BMX: variants seen among roughly 807,000 people sequenced by gnomAD.
BMX encodes cytoplasmic tyrosine-protein kinase BMX.
BMX carries 31 observed loss-of-function variants against 59.2 expected under a neutral mutation model. That is an observed-to-expected ratio of 0.52 (90% CI 0.39 to 0.71). The LOEUF is 0.71. BMX is among the 30% of genes least tolerant of loss of function. The pLI, the probability that BMX is intolerant of heterozygous loss-of-function variation, is 0.00. For missense variants in BMX, 474 were observed against 491.7 expected (o/e 0.96, Z 0.34); for synonymous variants, 185 against 181.0 (o/e 1.02, Z -0.18).
At chrX:15,531,201 A>G in intron 10 of BMX, 127 bp from the exon 11 acceptor site, 1 of 530,575 alleles carries the variant, frequency 1.9e-6, no homozygotes, top group Non-Finnish European at 3.2e-6. Context: ...TGAGTGAGAA[A>G]CCTGTGCCTT....
chrX:15,542,145 G>A lies in BMX; in HGVS notation c.1558G>A (p.Val520Ile), dbSNP rs756580061. ...CCAGCTCTTAGAAATGTGCTACGAT[G>A]TCTGTGAAGGCATGGCCTTCTTGGA... ...PSQLLEMCYD[V>I]CEGMAFLESH... is the part of the protein sequence containing the mutation. Residue 520 changes from valine (V) to isoleucine (I), a missense_variant, in exon 15 of 19, where the codon GTC (valine) becomes ATC (isoleucine). Physicochemically the swap from Val to Ile is conservative, Grantham distance 29. Coordinates refer to ENST00000348343, the MANE Select transcript of BMX (RefSeq NM_203281.3). The A allele has an allele frequency of 1.7e-6, 2 of 1,211,476 alleles. No individual in the cohort carries two copies. The highest frequency in any genetic ancestry group is 2.2e-6 in the Non-Finnish European group (2 of 895,317).
At chrX:15,551,333 T>C (rs758430288) in intron 18 of BMX, among the ~76,000 whole-genome samples, 150 of 111,282 alleles carry the variant, frequency 1.3e-3, no homozygotes, top group African/African-American at 4.1e-3. Flanking sequence ...AATACCTGGG[T>C]TGAATCCTGT....
At chrX:15,501,090 C>A in intron 1 of BMX, 150 bp downstream of exon 1, 1 of 442,115 alleles carries the variant, frequency 2.3e-6, no homozygotes. Context: ...ATTGCCAGGG[C>A]TTTCTCTGGG....
At chrX:15,543,876 CAG>C (rs1925820395) in intron 16 of BMX, among the ~76,000 whole-genome samples, 1 of 111,621 alleles carries the variant, frequency 9.0e-6, no homozygotes, top group Non-Finnish European at 1.9e-5. Context: ...ATTTAAGCCT[CAG>C]AGCAAATTTT....
At chrX:15,538,191 C>T (rs1925468421) in intron 14 of BMX, among the ~76,000 whole-genome samples, 1 of 107,868 alleles carries the variant, frequency 9.3e-6, no homozygotes, top group Non-Finnish European at 1.9e-5. Flanking sequence ...CTCCCTCTTC[C>T]TCTCTCTCCT....
At chrX:15,536,521 G>T in intron 13 of BMX, 94 bp downstream of exon 13, 1 of 726,864 alleles carries the variant, frequency 1.4e-6, no homozygotes. Flanking sequence ...AAAAAAAGGA[G>T]GAAAGACAGG....
At chrX:15,538,991 T>C (rs1325774282) in intron 14 of BMX, among the ~76,000 whole-genome samples, 1 of 111,595 alleles carries the variant, frequency 9.0e-6, no homozygotes, top group African/African-American at 3.3e-5. Flanking sequence ...TGTTGTCATC[T>C]TGAAGTAATA....
chrX:15,554,904 C>T (rs1926355123), intron 18 of BMX, among the ~76,000 whole-genome samples: 4 of 111,167 alleles, frequency 3.6e-5, no homozygotes. Context: ...TTGGAGACTT[C>T]CTCTTCTGTT....
At chrX:15,541,488 A>AT (rs752873200) in intron 14 of BMX, among the ~76,000 whole-genome samples, 2,246 of 111,599 alleles carry the variant, frequency 0.02, 66 homozygotes, top group African/African-American at 0.07. Context: ...ATGTAAAATA[A>AT]TTTTTTAAAA....
At chrX:15,546,045 G>C (rs1039748898) in intron 16 of BMX, among the ~76,000 whole-genome samples, 7 of 112,417 alleles carry the variant, frequency 6.2e-5, no homozygotes, top group Non-Finnish European at 1.3e-4. Flanking sequence ...TTATTTTGGT[G>C]AAGAGTTATC....
At chrX:15,513,359 T>C (rs900969124) in intron 4 of BMX, among the ~76,000 whole-genome samples, 13 of 111,970 alleles carry the variant, frequency 1.2e-4, no homozygotes, top group African/African-American at 4.2e-4. Context: ...CTGATGGCCA[T>C]TGATGTGTAC....
intron 18 of BMX, among the ~76,000 whole-genome samples, chrX:15,554,349 A>G (rs1177256001): frequency 9.0e-6 from 1 of 111,663 alleles, no homozygotes; most frequent in Non-Finnish European, 1.9e-5. Context: ...TTTAATATAT[A>G]TATCTTTCAT....
chrX:15,549,325 A>G (rs1211179871), intron 17 of BMX, among the ~76,000 whole-genome samples: 1 of 112,297 alleles, frequency 8.9e-6, no homozygotes, highest in Non-Finnish European at 1.9e-5. Context: ...CACTGCAGCA[A>G]TAGAAAGGAG....
At chrX:15,536,725 A>C (rs373796812) in intron 13 of BMX, among the ~76,000 whole-genome samples, 1 of 110,868 alleles carries the variant, frequency 9.0e-6, no homozygotes, top group East Asian at 2.8e-4. Context: ...GTGCCCACTG[A>C]GCAGAGCCAG....
chrX:15,510,807 G>A (rs1191241244), intron 3 of BMX, among the ~76,000 whole-genome samples: 1 of 112,299 alleles, frequency 8.9e-6, no homozygotes, highest in African/African-American at 3.2e-5. Flanking sequence ...AACAAGAGTT[G>A]AATAAACTAG....
chrX:15,537,330 G>C (rs965518141), intron 14 of BMX, 25 bp downstream of exon 14: 2 of 1,204,625 alleles, frequency 1.7e-6, no homozygotes, highest in African/African-American at 3.5e-5. Flanking sequence ...AGGAATGGCT[G>C]TTTAGCCCTC....
At chrX:15,543,167 AG>A in intron 16 of BMX, 32 bp downstream of exon 16, 1 of 1,159,612 alleles carries the variant, frequency 8.6e-7, no homozygotes, top group Non-Finnish European at 1.2e-6. Context: ...AACCAGTGAA[AG>A]GGGGATTTCC....
intron 18 of BMX, among the ~76,000 whole-genome samples, chrX:15,551,130 G>A (rs1001202791): frequency 6.3e-5 from 7 of 111,796 alleles, no homozygotes; most frequent in Non-Finnish European, 1.1e-4. Flanking sequence ...TTTTGTAGGC[G>A]ATGAGGAGCC....
At chrX:15,527,825 C>T (rs1269954331) in intron 9 of BMX, among the ~76,000 whole-genome samples, 6 of 111,724 alleles carry the variant, frequency 5.4e-5, no homozygotes, top group Admixed American at 9.5e-5. Context: ...AGCTCTCTTT[C>T]GGCTTTACTT....
Sources: gnomAD v4.1 joint callset for allele counts (sites outside exome capture counted in the v4.1 genomes callset) on GRCh38, gnomAD v4.1.1 for gene constraint, MANE v1.5 for transcripts, NCBI Gene and HGNC (gene_info 2026-07-23, HGNC 2026-07-21) for gene names.